The following GRIP1 variants were observed in gnomAD, a reference collection of about 807,000 sequenced individuals.
The protein encoded by GRIP1 is glutamate receptor-interacting protein 1.
GRIP1 carries 45 observed loss-of-function variants against 129.9 expected under a neutral mutation model. The observed-to-expected ratio is 0.35, with a 90% confidence interval of 0.27 to 0.44. GRIP1 has a LOEUF of 0.44. Among genes scored for constraint, GRIP1 ranks in the 20% least tolerant of loss-of-function variants. The pLI is 1.00. For synonymous variants in GRIP1, 530 were observed against 520.8 expected, an observed-to-expected ratio of 1.02 and a Z score of -0.24; for missense variants, 1,196 against 1,396.8, an observed-to-expected ratio of 0.86 and a Z score of 2.29.
intron 1 of GRIP1, among the ~76,000 whole-genome samples, chr12:66,671,551 C>T (rs966518203): frequency 3.9e-5 from 6 of 152,160 alleles, no homozygotes; most frequent in Non-Finnish European, 8.8e-5. Flanking sequence ...CTTCAGACTT[C>T]TTAAAAGAGT....
intron 1 of GRIP1, among the ~76,000 whole-genome samples, chr12:67,005,609 G>A (rs115210882): frequency 0.02 from 3,051 of 152,200 alleles, 102 homozygotes; most frequent in African/African-American, 0.069. Flanking sequence ...GCAGCCTGTG[G>A]AACACCAACC....
At chr12:66,919,551 T>C (rs1012959206) in intron 1 of GRIP1, among the ~76,000 whole-genome samples, 2 of 152,180 alleles carry the variant, frequency 1.3e-5, no homozygotes, top group African/African-American at 4.8e-5. Context: ...ATTACATCAT[T>C]CTCCCTTATT....
chr12:66,844,117 C>A (rs535243999), intron 1 of GRIP1, among the ~76,000 whole-genome samples: 1 of 152,146 alleles, frequency 6.6e-6, no homozygotes, highest in South Asian at 2.1e-4. Context: ...AAAAATCAAC[C>A]TGATTTTAAA....
chr12:66,470,448 T>C (rs76604379), intron 7 of GRIP1, among the ~76,000 whole-genome samples: 33,641 of 151,036 alleles, frequency 0.22, 4,326 homozygotes, highest in Middle Eastern at 0.41. Flanking sequence ...TTTTTTTTTT[T>C]TTTAACAACT....
At chr12:66,672,435 T>C (rs1183167576) in intron 1 of GRIP1, among the ~76,000 whole-genome samples, 1 of 152,130 alleles carries the variant, frequency 6.6e-6, no homozygotes, top group African/African-American at 2.4e-5. Flanking sequence ...TTTCCTTGGT[T>C]TGAAGGGTGC....
At chr12:66,547,575 G>C (rs926781728) in intron 2 of GRIP1, among the ~76,000 whole-genome samples, 2 of 152,110 alleles carry the variant, frequency 1.3e-5, no homozygotes, top group Non-Finnish European at 2.9e-5. Context: ...TCTATACCAC[G>C]GAATACTTCT....
chr12:66,456,430 A>T (rs1490392887), intron 9 of GRIP1, 88 bp from the exon 10 acceptor site: 10 of 643,408 alleles, frequency 1.6e-5, no homozygotes, highest in African/African-American at 3.8e-5. Context: ...GAATTGCCCA[A>T]ATTAAAAGTA....
chr12:66,468,012 G>T (rs1053915919), intron 7 of GRIP1, among the ~76,000 whole-genome samples: 1 of 152,228 alleles, frequency 6.6e-6, no homozygotes, highest in African/African-American at 2.4e-5. Context: ...GACAGAAACT[G>T]CTAGGTGTTC....
Position 66,371,802 on chromosome 12 carries a change from A to G in GRIP1, c.2904T>C (p.Thr968=), listed in dbSNP as rs1187062044. ...SSSRPHYSQT[T]RSNTLPSDVG... ...CATCTGAAGGCAGGGTGTTGCTCCG[A>G]GTTGTTTGGCTGTAGTGCGGCCGCG... Residue 968 remains threonine, a synonymous_variant, in exon 23 of 25, where the codon ACT becomes ACC. Coordinates refer to ENST00000359742, the MANE Select transcript of GRIP1 (RefSeq NM_001366722.1). 3.1e-6 allele frequency: 5 copies of G among 1,614,044 alleles called. No individual in the cohort carries two copies. Among genetic ancestry groups the G allele is most frequent in the Non-Finnish European group, 4.2e-6 (5 of 1,179,982 alleles).
At chr12:67,000,810 T>G (rs879914805) in intron 1 of GRIP1, among the ~76,000 whole-genome samples, 2 of 152,140 alleles carry the variant, frequency 1.3e-5, no homozygotes, top group African/African-American at 4.8e-5. Context: ...TGATATAGGG[T>G]TGTCAAGATT....
intron 9 of GRIP1, among the ~76,000 whole-genome samples, chr12:66,460,574 C>T (rs7952846): frequency 0.67 from 102,004 of 152,122 alleles, 34,851 homozygotes; most frequent in Middle Eastern, 0.77. Flanking sequence ...AAACTCATTT[C>T]TGTCAGCTTC....
At chr12:66,458,014 A>G (rs563382901) in intron 9 of GRIP1, among the ~76,000 whole-genome samples, 33 of 152,352 alleles carry the variant, frequency 2.2e-4, no homozygotes, top group Middle Eastern at 3.4e-3. Context: ...CTACTTTTCC[A>G]TTTACGTGCC....
chr12:66,509,598 T>C (rs1447613305), intron 7 of GRIP1, among the ~76,000 whole-genome samples: 3 of 152,068 alleles, frequency 2.0e-5, no homozygotes, highest in Non-Finnish European at 1.5e-5. Context: ...ACATATACAC[T>C]ATAGAATATT....
intron 1 of GRIP1, among the ~76,000 whole-genome samples, chr12:66,836,554 A>G (rs1238917931): frequency 3.3e-5 from 5 of 150,260 alleles, no homozygotes; most frequent in Admixed American, 6.7e-5. Flanking sequence ...TTAGAGAGAA[A>G]ATACACAAGT....
intron 14 of GRIP1, among the ~76,000 whole-genome samples, chr12:66,421,933 C>T (rs1283524261): frequency 2.0e-5 from 3 of 152,040 alleles, no homozygotes; most frequent in African/African-American, 7.2e-5. Context: ...TAGAGGTTTG[C>T]ACTTAATTTA....
intron 1 of GRIP1, among the ~76,000 whole-genome samples, chr12:66,923,908 C>G (rs1220186569): frequency 1.3e-5 from 2 of 152,020 alleles, no homozygotes; most frequent in Non-Finnish European, 2.9e-5. Flanking sequence ...GTAATGGCGC[C>G]ATCTCAGCTC....
chr12:66,637,925 A>C (rs2031556737), intron 1 of GRIP1, among the ~76,000 whole-genome samples: 1 of 152,256 alleles, frequency 6.6e-6, no homozygotes, highest in African/African-American at 2.4e-5. Flanking sequence ...AGTCAGCTAC[A>C]TAAATCACAA....
chr12:66,821,330 A>C (rs1398582159), intron 1 of GRIP1, among the ~76,000 whole-genome samples: 2 of 152,176 alleles, frequency 1.3e-5, no homozygotes, highest in East Asian at 3.9e-4. Context: ...AATGGAGCTA[A>C]ATATTTTGTA....
chr12:67,016,217 A>C (rs1035875921), intron 1 of GRIP1, among the ~76,000 whole-genome samples: 1 of 152,208 alleles, frequency 6.6e-6, no homozygotes, highest in African/African-American at 2.4e-5. Flanking sequence ...TCTCTAAAAA[A>C]GATAGAAATT....
Sources: allele counts gnomAD v4.1 joint callset (sites outside exome capture counted in the v4.1 genomes callset), GRCh38; gene constraint gnomAD v4.1.1; transcripts MANE v1.5; gene names NCBI Gene and HGNC (gene_info 2026-07-23, HGNC 2026-07-21).